The following NR6A1 variants were observed in gnomAD, a reference collection of about 807,000 sequenced individuals.
The protein encoded by NR6A1 is nuclear receptor subfamily 6 group A member 1.
Under a neutral mutation model 59.1 loss-of-function variants are expected in NR6A1, and 7 were observed. The ratio of observed to expected loss-of-function variants is 0.12; its 90% CI spans 0.07 to 0.22. The LOEUF (loss-of-function observed/expected upper bound fraction) is 0.22, where lower values mean the gene tolerates loss of function less well. Ranked by LOEUF, NR6A1 falls within the 10% of genes least tolerant of loss-of-function variation. NR6A1 has a pLI of 1.00. For missense variants in NR6A1, 468 were observed against 611.6 expected, an observed-to-expected ratio of 0.77 and a Z score of 2.48; for synonymous variants, 243 against 236.1, an observed-to-expected ratio of 1.03 and a Z score of -0.27.
At chr9:124,667,854 C>T (rs1049774929) in intron 2 of NR6A1, among the ~76,000 whole-genome samples, 2 of 152,150 alleles carry the variant, frequency 1.3e-5, no homozygotes, top group Admixed American at 6.5e-5. Flanking sequence ...AATATAAAGA[C>T]AAAAATTTAA....
intron 2 of NR6A1, among the ~76,000 whole-genome samples, chr9:124,696,325 A>G (rs1188457299): frequency 6.6e-6 from 1 of 152,190 alleles, no homozygotes; most frequent in Non-Finnish European, 1.5e-5. Context: ...CTGAGTCAAC[A>G]GGAATGGAAT....
intron 2 of NR6A1, among the ~76,000 whole-genome samples, chr9:124,556,422 G>C (rs1833927410): frequency 6.6e-6 from 1 of 151,892 alleles, no homozygotes. Flanking sequence ...AAAGGAGTGT[G>C]GCTCTGCAAA....
rs532394307 is a variant in NR6A1 at position 124,526,335 on chromosome 9, G to T, written c.1201+444C>A. Reference sequence around the variant, plus strand: ...GTGTGTGTTTGTGCACCCCTGCTCTGCCCTGAAGGGGCTGTCAGAACCACT... The same window carrying T: ...GTGTGTGTTTGTGCACCCCTGCTCTTCCCTGAAGGGGCTGTCAGAACCACT... On this transcript the variant is annotated intron_variant, in intron 8 of 9. Transcript: ENST00000487099. 2.4e-4 allele frequency among the ~76,000 whole-genome samples: 37 copies of T among 151,964 alleles called. 1 individual carries two copies. The highest frequency in any genetic ancestry group is 8.2e-4 in the African/African-American group (34 of 41,428).
rs978595668 is a variant in NR6A1 at position 124,716,739 on chromosome 9, C to A, written c.142+16569G>T. Among the ~76,000 whole-genome samples the A allele has an allele frequency of 2.8e-4, 42 of 152,336 alleles. 1 individual carries two copies. Among genetic ancestry groups the A allele is most frequent in the Admixed American group, 1.1e-3 (17 of 15,302 alleles). ...CTCCACCTTTCAGGTTCAAGCAATT[C>A]TTGTGCCACAGCCTCCTGAGTAGCT... On this transcript the variant is annotated intron_variant, in intron 2 of 9. Transcript: ENST00000487099.
At chr9:124,619,528 G>T (rs1359191643) in intron 2 of NR6A1, among the ~76,000 whole-genome samples, 3 of 152,096 alleles carry the variant, frequency 2.0e-5, no homozygotes, top group Non-Finnish European at 4.4e-5. Flanking sequence ...CTCCCAAAGC[G>T]CTGGGGTTAC....
intron 2 of NR6A1, among the ~76,000 whole-genome samples, chr9:124,564,254 A>T (rs1421956657): frequency 6.6e-6 from 1 of 152,208 alleles, no homozygotes; most frequent in Non-Finnish European, 1.5e-5. Context: ...ACCAACAATC[A>T]CACTGAATCA....
At chr9:124,554,720 A>G in intron 2 of NR6A1, 150 bp from the exon 3 acceptor site, 2 of 933,104 alleles carry the variant, frequency 2.1e-6, no homozygotes, top group Non-Finnish European at 3.2e-6. Context: ...CCTTGTCCCA[A>G]GAGTAGTCCC....
chr9:124,696,905 G>A (rs1254923927), intron 2 of NR6A1, among the ~76,000 whole-genome samples: 2 of 152,018 alleles, frequency 1.3e-5, no homozygotes, highest in African/African-American at 2.4e-5. Context: ...TGATCCACCC[G>A]CCTCAGCCTC....
At chr9:124,705,024 C>T (rs1218304736) in intron 2 of NR6A1, among the ~76,000 whole-genome samples, 1 of 152,258 alleles carries the variant, frequency 6.6e-6, no homozygotes, top group Admixed American at 6.5e-5. Context: ...GCATGAGCCA[C>T]TGTGCCTGGC....
chr9:124,575,933 G>C (rs1288320496), intron 2 of NR6A1, among the ~76,000 whole-genome samples: 1 of 152,196 alleles, frequency 6.6e-6, no homozygotes, highest in Non-Finnish European at 1.5e-5. Context: ...AACCAAATAG[G>C]AATGTATGAA....
chr9:124,741,215 G>T (rs1393205451), intron 1 of NR6A1, among the ~76,000 whole-genome samples: 1 of 152,182 alleles, frequency 6.6e-6, no homozygotes, highest in Non-Finnish European at 1.5e-5. Flanking sequence ...GAGGCTGGTG[G>T]CTATGAAACA....
Position 124,711,840 on chromosome 9 carries a change from T to G in NR6A1, c.142+21468A>C, listed in dbSNP as rs144600973. ...CAGAGTCTCACTATGCTGCCCAGGC[T>G]GGTCTTGAACTCTGCAGCTCAAAAA... On this transcript the variant is annotated intron_variant, in intron 2 of 9. Coordinates refer to ENST00000487099, the MANE Select transcript of NR6A1 (RefSeq NM_033334.4). Among the ~76,000 whole-genome samples, 492 of 152,332 alleles carry G rather than the reference T, an allele frequency of 3.2e-3. 3 individuals carry two copies. The highest frequency in any genetic ancestry group is 5.6e-3 in the Non-Finnish European group (378 of 68,040).
At chr9:124,532,892 T>C (rs957043781) in intron 7 of NR6A1, among the ~76,000 whole-genome samples, 3 of 152,242 alleles carry the variant, frequency 2.0e-5, no homozygotes, top group Non-Finnish European at 2.9e-5. Context: ...TAGTGGCTAC[T>C]GTAGTGGACG....
intron 1 of NR6A1, among the ~76,000 whole-genome samples, chr9:124,743,563 C>G (rs1329047642): frequency 6.6e-6 from 1 of 152,224 alleles, no homozygotes; most frequent in African/African-American, 2.4e-5. Context: ...TAACTTCCAT[C>G]TGATCAACCT....
intron 3 of NR6A1, among the ~76,000 whole-genome samples, chr9:124,548,399 T>C (rs1233281213): frequency 6.6e-6 from 1 of 152,234 alleles, no homozygotes; most frequent in Non-Finnish European, 1.5e-5. Flanking sequence ...GGAGGATTGC[T>C]TGAGCTCAGT....
At chr9:124,565,300 G>A (rs1208816923) in intron 2 of NR6A1, among the ~76,000 whole-genome samples, 6 of 151,974 alleles carry the variant, frequency 3.9e-5, no homozygotes, top group African/African-American at 9.7e-5. Flanking sequence ...GGTGGCACGC[G>A]CTTGTAGTCC....
intron 2 of NR6A1, among the ~76,000 whole-genome samples, chr9:124,617,492 T>G (rs1835933383): frequency 6.6e-6 from 1 of 152,140 alleles, no homozygotes; most frequent in South Asian, 2.1e-4. Flanking sequence ...ACAGGGAAAG[T>G]TTCTGTACTT....
intron 2 of NR6A1, among the ~76,000 whole-genome samples, chr9:124,697,079 T>C (rs1480602872): frequency 6.6e-6 from 1 of 152,212 alleles, no homozygotes; most frequent in East Asian, 1.9e-4. Context: ...TGCCAAACTT[T>C]CCTGACTAGA....
chr9:124,611,032 T>C (rs1445959947), intron 2 of NR6A1, among the ~76,000 whole-genome samples: 1 of 152,156 alleles, frequency 6.6e-6, no homozygotes, highest in Admixed American at 6.5e-5. Context: ...TCCTGACCCA[T>C]TCAGTAGTTT....
Sources: allele counts gnomAD v4.1 joint callset (sites outside exome capture counted in the v4.1 genomes callset), GRCh38; gene constraint gnomAD v4.1.1; transcripts MANE v1.5; gene names NCBI Gene and HGNC (gene_info 2026-07-23, HGNC 2026-07-21).